Variants in GPC3 observed in about 807,000 individuals in gnomAD.
The protein encoded by GPC3 is glypican-3.
Under a neutral mutation model 34.4 loss-of-function variants are expected in GPC3, and 3 were observed. The ratio of observed to expected loss-of-function variants is 0.09; its 90% CI spans 0.04 to 0.23. GPC3 has a LOEUF of 0.23. Among genes scored for constraint, GPC3 ranks in the 10% least tolerant of loss-of-function variants. GPC3 has a pLI of 1.00. For missense variants in GPC3, 351 were observed against 445.6 expected, an observed-to-expected ratio of 0.79 and a Z score of 1.91; for synonymous variants, 177 against 174.0, an observed-to-expected ratio of 1.02 and a Z score of -0.13.
chrX:133,741,118 AG>A (rs1156628931), intron 3 of GPC3, among the ~76,000 whole-genome samples: 10 of 109,946 alleles, frequency 9.1e-5, no homozygotes, highest in Non-Finnish European at 1.9e-4. Flanking sequence ...CTTTCCCCAC[AG>A]GGTTCACATG....
chrX:133,731,892 G>C (rs997552532), intron 3 of GPC3, among the ~76,000 whole-genome samples: 13 of 112,249 alleles, frequency 1.2e-4, no homozygotes, highest in Non-Finnish European at 2.3e-4. Flanking sequence ...TCCCCCAATA[G>C]ATGTCTTCAC....
At chrX:133,806,809 C>T (rs957114999) in intron 2 of GPC3, among the ~76,000 whole-genome samples, 8 of 109,228 alleles carry the variant, frequency 7.3e-5, no homozygotes, top group Admixed American at 2.0e-4. Context: ...CCACCACGCC[C>T]GGCTAATTTT....
At chrX:133,623,322 A>G (rs1246269365) in intron 6 of GPC3, among the ~76,000 whole-genome samples, 1 of 112,238 alleles carries the variant, frequency 8.9e-6, no homozygotes, top group Non-Finnish European at 1.9e-5. Context: ...TTAACCTTAA[A>G]GGTAAATGAG....
chrX:133,557,353 C>T (rs1323861163), intron 7 of GPC3, among the ~76,000 whole-genome samples: 1 of 111,145 alleles, frequency 9.0e-6, no homozygotes, highest in Non-Finnish European at 1.9e-5. Context: ...AAACAAACAG[C>T]ATTTTCAACA....
chrX:133,956,765 G>A (rs1010858027), intron 1 of GPC3, among the ~76,000 whole-genome samples: 14 of 111,623 alleles, frequency 1.3e-4, no homozygotes, highest in Non-Finnish European at 2.3e-4. Flanking sequence ...TCTAGGTAGT[G>A]GGAGTTATCA....
chrX:133,829,449 A>G (rs746467948), intron 2 of GPC3, among the ~76,000 whole-genome samples: 4 of 112,193 alleles, frequency 3.6e-5, no homozygotes, highest in Non-Finnish European at 7.5e-5. Flanking sequence ...GACTTGCACA[A>G]CACTATAAAC....
At chrX:133,831,622 C>T (rs751370854) in intron 2 of GPC3, among the ~76,000 whole-genome samples, 1 of 111,939 alleles carries the variant, frequency 8.9e-6, no homozygotes, top group South Asian at 3.7e-4. Context: ...CCCAGCTACT[C>T]GGGAGGCTGA....
At chrX:133,744,221 C>T (rs760917174) in intron 3 of GPC3, among the ~76,000 whole-genome samples, 1 of 112,092 alleles carries the variant, frequency 8.9e-6, no homozygotes, top group East Asian at 2.8e-4. Flanking sequence ...TCAGAGTGAA[C>T]AGGCAACCTA....
intron 4 of GPC3, among the ~76,000 whole-genome samples, chrX:133,696,379 C>T (rs911659135): frequency 8.9e-6 from 1 of 111,995 alleles, no homozygotes; most frequent in African/African-American, 3.2e-5. Flanking sequence ...TTTACTGGGC[C>T]TCTCTCATCT....
intron 2 of GPC3, among the ~76,000 whole-genome samples, chrX:133,895,420 C>G (rs370327065): frequency 1.8e-5 from 2 of 111,417 alleles, no homozygotes; most frequent in African/African-American, 6.5e-5. Flanking sequence ...ATCTCCACCC[C>G]CCGTCCCAAG....
At chrX:133,648,132 T>C (rs1048457810) in intron 6 of GPC3, among the ~76,000 whole-genome samples, 5 of 112,195 alleles carry the variant, frequency 4.5e-5, no homozygotes, top group Non-Finnish European at 7.5e-5. Flanking sequence ...AAGTCAACTT[T>C]AGGGACAAAG....
intron 2 of GPC3, among the ~76,000 whole-genome samples, chrX:133,852,985 CAAAAAA>C (rs33927142): frequency 9.5e-5 from 4 of 42,111 alleles, no homozygotes; most frequent in African/African-American, 1.8e-4. Context: ...TTTTAAATTC[CAAAAAA>C]AAAAAAAAAA....
chrX:133,719,162 C>T (rs1364305069), intron 3 of GPC3, among the ~76,000 whole-genome samples: 1 of 111,003 alleles, frequency 9.0e-6, no homozygotes, highest in Non-Finnish European at 1.9e-5. Context: ...ACACGTGGAA[C>T]GTTCTTCAGT....
chrX:133,965,454 G>C (rs1354602133), intron 1 of GPC3, among the ~76,000 whole-genome samples: 1 of 110,746 alleles, frequency 9.0e-6, no homozygotes, highest in African/African-American at 3.3e-5. Context: ...AAGAGTAAAA[G>C]GCCATGTGAG....
intron 2 of GPC3, among the ~76,000 whole-genome samples, chrX:133,896,186 A>G (rs2076111904): frequency 9.0e-6 from 1 of 110,612 alleles, no homozygotes; most frequent in Non-Finnish European, 1.9e-5. Context: ...ACATGGTGAA[A>G]CCCCGTCTAC....
intron 2 of GPC3, among the ~76,000 whole-genome samples, chrX:133,915,199 G>A (rs969668252): frequency 9.2e-6 from 1 of 109,261 alleles, no homozygotes; most frequent in Non-Finnish European, 1.9e-5. Context: ...TTGAGATGGA[G>A]GTTCGCTCTT....
intron 2 of GPC3, among the ~76,000 whole-genome samples, chrX:133,947,751 G>A (rs776952324): frequency 1.8e-5 from 2 of 111,536 alleles, no homozygotes; most frequent in South Asian, 7.7e-4. Flanking sequence ...TTTTATAATG[G>A]GATTACTAGA....
At chrX:133,965,103 C>A (rs760170222) in intron 1 of GPC3, among the ~76,000 whole-genome samples, 4 of 111,450 alleles carry the variant, frequency 3.6e-5, no homozygotes, top group Non-Finnish European at 7.5e-5. Context: ...GTAGAGAGTT[C>A]TGGTAAACTG....
At chrX:133,909,731 G>A (rs2076188321) in intron 2 of GPC3, among the ~76,000 whole-genome samples, 1 of 111,121 alleles carries the variant, frequency 9.0e-6, no homozygotes, top group Non-Finnish European at 1.9e-5. Flanking sequence ...TCAGAATATC[G>A]AAGTTTTACG....
Sources: gnomAD v4.1 joint callset for allele counts (sites outside exome capture counted in the v4.1 genomes callset) on GRCh38, gnomAD v4.1.1 for gene constraint, MANE v1.5 for transcripts, NCBI Gene and HGNC (gene_info 2026-07-23, HGNC 2026-07-21) for gene names.